Variants in DGLUCY observed in about 807,000 individuals in gnomAD.
DGLUCY encodes the protein D-glutamate cyclase.
DGLUCY carries 58 observed loss-of-function variants against 58.5 expected under a neutral mutation model. The observed-to-expected ratio is 0.99, with a 90% CI of 0.80 to 1.23. The LOEUF (loss-of-function observed/expected upper bound fraction) is 1.23. DGLUCY is among the 50% of genes most tolerant of loss of function. DGLUCY has a pLI of 0.00. For missense variants in DGLUCY, 779 were observed against 784.7 expected (o/e 0.99, Z 0.09); for synonymous variants, 325 against 314.1 (o/e 1.03, Z -0.37).
intron 9 of DGLUCY, among the ~76,000 whole-genome samples, chr14:91,194,217 C>T (rs2050072920): frequency 6.6e-6 from 1 of 152,132 alleles, no homozygotes; most frequent in African/African-American, 2.4e-5. Context: ...GGGTGTTACC[C>T]CATTTTGTAG....
chr14:91,212,257 A>G (rs767132853), intron 12 of DGLUCY, among the ~76,000 whole-genome samples: 2 of 152,210 alleles, frequency 1.3e-5, no homozygotes, highest in Non-Finnish European at 2.9e-5. Flanking sequence ...CTATAACCCT[A>G]ACACTTTGGG....
chr14:91,184,684 G>T (rs1418016764), intron 8 of DGLUCY, among the ~76,000 whole-genome samples: 1 of 148,400 alleles, frequency 6.7e-6, no homozygotes, highest in East Asian at 2.0e-4. Context: ...AGGGAAGGAA[G>T]GAAATGTCTG....
In DGLUCY at chr14:91,176,017, C is replaced by A. The variant is rs1469311577; in HGVS notation, c.691C>A (p.Pro231Thr). The change falls in exon 7 of 14, where the codon CCT becomes ACT. Residue 231 changes from proline (P) to threonine (T), a missense_variant. Pro to Thr is a conservative substitution (Grantham distance 38). Transcript: ENST00000256324. ...CPPGEVPVFW[P>T]SPLTSLGAVS... ...CCCAGGGGAGGTTCCAGTGTTCTGG[C>A]CTTCTCCGCTGACCAGTCTCGGAGC... The A allele has an allele frequency of 1.2e-6, 2 of 1,613,964 alleles. No individual in the cohort carries two copies. The highest frequency in any genetic ancestry group is 1.7e-6 in the Non-Finnish European group (2 of 1,179,956).
At chr14:91,158,365 T>C (rs573436941) in intron 2 of DGLUCY, among the ~76,000 whole-genome samples, 1 of 152,334 alleles carries the variant, frequency 6.6e-6, no homozygotes, top group South Asian at 2.1e-4. Flanking sequence ...CTCCCCTGTG[T>C]CCCCACAGCA....
At chr14:91,156,486 A>G (rs914608584) in intron 1 of DGLUCY, among the ~76,000 whole-genome samples, 19 of 152,246 alleles carry the variant, frequency 1.2e-4, no homozygotes, top group Non-Finnish European at 2.4e-4. Flanking sequence ...TCTGTAGGAT[A>G]CAGTCCTAGG....
chr14:91,089,420 A>C (rs2044273034), intron 1 of DGLUCY, among the ~76,000 whole-genome samples: 1 of 152,224 alleles, frequency 6.6e-6, no homozygotes, highest in Non-Finnish European at 1.5e-5. Context: ...TAGTTCTGGC[A>C]ATAAAACCCT....
At chr14:91,146,608 T>C (rs1455559921) in intron 1 of DGLUCY, among the ~76,000 whole-genome samples, 1 of 152,092 alleles carries the variant, frequency 6.6e-6, no homozygotes, top group Non-Finnish European at 1.5e-5. Flanking sequence ...GAGTGGGACA[T>C]TTTTGAAGCC....
intron 1 of DGLUCY, among the ~76,000 whole-genome samples, chr14:91,142,513 A>G (rs112110768): frequency 1.3e-4 from 20 of 152,026 alleles, no homozygotes; most frequent in African/African-American, 4.8e-4. Context: ...AGATGCAAAG[A>G]TTTCTTATCT....
chr14:91,192,003 A>G (rs2049930548), intron 9 of DGLUCY, among the ~76,000 whole-genome samples: 1 of 152,212 alleles, frequency 6.6e-6, no homozygotes. Context: ...ATGGTCTAGC[A>G]ATTCCACTTC....
intron 12 of DGLUCY, among the ~76,000 whole-genome samples, chr14:91,206,340 A>C (rs919639923): frequency 6.6e-6 from 1 of 151,992 alleles, no homozygotes. Flanking sequence ...CCCCTCCCCG[A>C]CACATCTTAC....
At chr14:91,167,094 G>A (rs2140379527) in intron 3 of DGLUCY, 131 bp from the exon 4 acceptor site, 3 of 1,178,314 alleles carry the variant, frequency 2.5e-6, no homozygotes, top group Non-Finnish European at 3.5e-6. Flanking sequence ...AGCCAAGATT[G>A]TGCCATTGCA....
chr14:91,134,094 C>A (rs1595719689), intron 1 of DGLUCY, among the ~76,000 whole-genome samples: 1 of 152,324 alleles, frequency 6.6e-6, no homozygotes, highest in South Asian at 2.1e-4. Flanking sequence ...AACCCCAACA[C>A]ACACCTGTCT....
intron 1 of DGLUCY, among the ~76,000 whole-genome samples, chr14:91,144,424 G>A (rs1340479312): frequency 6.6e-6 from 1 of 152,170 alleles, no homozygotes; most frequent in African/African-American, 2.4e-5. Flanking sequence ...GCTGGGCATG[G>A]TGGAGGGTGC....
At chr14:91,136,361 AG>A (rs2046336355) in intron 1 of DGLUCY, among the ~76,000 whole-genome samples, 1 of 152,042 alleles carries the variant, frequency 6.6e-6, no homozygotes, top group African/African-American at 2.4e-5. Flanking sequence ...TCTTAATGAA[AG>A]TTTTATGTGA....
At chr14:91,065,766 A>G (rs2043809158) in intron 1 of DGLUCY, among the ~76,000 whole-genome samples, 1 of 152,248 alleles carries the variant, frequency 6.6e-6, no homozygotes, top group African/African-American at 2.4e-5. Context: ...AGGGAAAATT[A>G]TAAATGAGTA....
chr14:91,212,996 G>A (rs972687581), intron 12 of DGLUCY, among the ~76,000 whole-genome samples: 8 of 140,504 alleles, frequency 5.7e-5, no homozygotes, highest in African/African-American at 1.1e-4. Flanking sequence ...GTAAGACTCC[G>A]TCTCTAAAAA....
intron 1 of DGLUCY, among the ~76,000 whole-genome samples, chr14:91,124,387 A>C (rs943691614): frequency 1.3e-5 from 2 of 152,134 alleles, no homozygotes; most frequent in African/African-American, 4.8e-5. Flanking sequence ...GTATTACTGC[A>C]TTTGGTCTAT....
intron 3 of DGLUCY, among the ~76,000 whole-genome samples, chr14:91,162,492 T>C (rs536381002): frequency 6.6e-6 from 1 of 152,278 alleles, no homozygotes; most frequent in South Asian, 2.1e-4. Context: ...CATGAAGGCT[T>C]CTATTCTGTG....
intron 1 of DGLUCY, among the ~76,000 whole-genome samples, chr14:91,108,526 T>TGAGAGAGAGAGAGAGAGAGAGAGAGA (rs1194090963): frequency 1.9e-5 from 1 of 52,178 alleles, no homozygotes; most frequent in Non-Finnish European, 3.8e-5. Context: ...TGTGTGTGTG[T>TGAGAGAGAGAGAGAGAGAGAGAGAGA]GAGAGAGAGA....
Sources: allele counts gnomAD v4.1 joint callset (sites outside exome capture counted in the v4.1 genomes callset), GRCh38; gene constraint gnomAD v4.1.1; transcripts MANE v1.5; gene names NCBI Gene and HGNC (gene_info 2026-07-23, HGNC 2026-07-21).